The following DMRT1 variants were observed in gnomAD, a reference collection of about 807,000 sequenced individuals.
DMRT1 encodes the protein doublesex and mab-3 related transcription factor 1.
Under a neutral mutation model 32.3 loss-of-function variants are expected in DMRT1, and 7 were observed. That is an observed-to-expected ratio of 0.22 (90% CI 0.12 to 0.41). The LOEUF (loss-of-function observed/expected upper bound fraction) is 0.41, where lower values mean the gene tolerates loss of function less well. Among genes scored for constraint, DMRT1 ranks in the 10% least tolerant of loss-of-function variants. The pLI is 1.00. For synonymous variants in DMRT1, 278 were observed against 206.1 expected, an observed-to-expected ratio of 1.35 and a Z score of -2.99; for missense variants, 625 against 500.5, an observed-to-expected ratio of 1.25 and a Z score of -2.37.
At chr9:966,057 T>C (rs931293520) in intron 4 of DMRT1, among the ~76,000 whole-genome samples, 1 of 152,192 alleles carries the variant, frequency 6.6e-6, no homozygotes, top group African/African-American at 2.4e-5. Context: ...AAGCTCTTAG[T>C]CGGCTCTCCA....
chr9:936,558 C>T (rs1260473434), intron 4 of DMRT1, among the ~76,000 whole-genome samples: 1 of 152,068 alleles, frequency 6.6e-6, no homozygotes, highest in African/African-American at 2.4e-5. Flanking sequence ...TCGAGACCAG[C>T]CTGGCCAACA....
rs377710575 is a variant in DMRT1, at chr9:872,163, G to A, written c.539-21749G>A. On this transcript the variant is annotated intron_variant, in intron 2 of 4. Coordinates refer to ENST00000382276, the MANE Select transcript of DMRT1 (RefSeq NM_021951.3). Reference sequence around the variant, plus strand: ...TGCAACCTCTGCCTCCCAGGTTCAAGGGATTCTCCTGCCTGAGCCTCCCGA... The same window carrying A: ...TGCAACCTCTGCCTCCCAGGTTCAAAGGATTCTCCTGCCTGAGCCTCCCGA... Among the ~76,000 whole-genome samples, 5 of 151,204 alleles carry A rather than the reference G, an allele frequency of 3.3e-5. No individual in the cohort carries two copies. In the East Asian group the frequency reaches 7.7e-4, roughly 23 times the overall value.
intron 4 of DMRT1, among the ~76,000 whole-genome samples, chr9:962,227 G>A (rs528343883): frequency 1.3e-5 from 2 of 152,268 alleles, no homozygotes; most frequent in South Asian, 2.1e-4. Context: ...TCGTGTGCAC[G>A]CTTGCTCACC....
chr9:891,296 C>T (rs56178571), intron 2 of DMRT1, among the ~76,000 whole-genome samples: 1 of 151,346 alleles, frequency 6.6e-6, no homozygotes, highest in Non-Finnish European at 1.5e-5. Flanking sequence ...AAAAAAAATA[C>T]AAAAATCAGC....
intron 4 of DMRT1, among the ~76,000 whole-genome samples, chr9:928,200 C>T (rs897164424): frequency 5.3e-5 from 8 of 151,998 alleles, no homozygotes; most frequent in African/African-American, 1.5e-4. Flanking sequence ...CTAAAAGTGC[C>T]GATATTAAAA....
chr9:883,120 C>A (rs139284386), intron 2 of DMRT1, among the ~76,000 whole-genome samples: 29 of 151,994 alleles, frequency 1.9e-4, no homozygotes, highest in African/African-American at 6.7e-4. Context: ...ATACGCATAG[C>A]CTGCCATCTG....
At chr9:923,624 A>T (rs1818424921) in intron 4 of DMRT1, among the ~76,000 whole-genome samples, 1 of 152,166 alleles carries the variant, frequency 6.6e-6, no homozygotes, top group Non-Finnish European at 1.5e-5. Context: ...GTAGGGGAGA[A>T]CGATGCCTTT....
At chr9:919,822 G>A (rs1363560566) in intron 4 of DMRT1, among the ~76,000 whole-genome samples, 1 of 152,176 alleles carries the variant, frequency 6.6e-6, no homozygotes, top group Non-Finnish European at 1.5e-5. Context: ...GTGATGACGG[G>A]TGGTCGAATT....
rs1415530578 is a variant in DMRT1 at position 949,377 on chromosome 9, AC to A, written c.968-18604del. 9.2e-5 allele frequency among the ~76,000 whole-genome samples: 14 copies of A among 151,802 alleles called. No individual in the cohort carries two copies. The South Asian group carries it at 1.7e-3, about 18-fold the overall frequency. On this transcript the variant is annotated intron_variant, in intron 4 of 4. Transcript: ENST00000382276. ...AAGACCCTCTCTCGGGGAAAAAAAA[AC>A]CCCAAAAAACCCACAAAAAACTTTT...
In DMRT1 at chr9:954,938, C is replaced by G. The variant is rs530303663; in HGVS notation, c.968-13047C>G. ...TACAGGCATGAGCCACTCCGCCTGG[C>G]CGTTCGTTAGCTATTTAAAATACAG... On this transcript the variant is annotated intron_variant, in intron 4 of 4. Coordinates refer to ENST00000382276, the MANE Select transcript of DMRT1 (RefSeq NM_021951.3). 1.8e-3 allele frequency among the ~76,000 whole-genome samples: 275 copies of G among 152,290 alleles called. 1 individual carries two copies. The highest frequency in any genetic ancestry group is 5.6e-3 in the African/African-American group (232 of 41,552).
chr9:859,684 G>A (rs1011837504), intron 2 of DMRT1, among the ~76,000 whole-genome samples: 1 of 152,126 alleles, frequency 6.6e-6, no homozygotes, highest in East Asian at 1.9e-4. Context: ...TCTCTAAAAC[G>A]TCTGCAGGCA....
intron 2 of DMRT1, among the ~76,000 whole-genome samples, chr9:870,210 T>C (rs143072203): frequency 0.012 from 1,860 of 152,156 alleles, 31 homozygotes; most frequent in African/African-American, 0.039. Flanking sequence ...CCAGCCTGGG[T>C]AACACGGTGA....
chr9:909,171 C>T (rs989169274), intron 3 of DMRT1, among the ~76,000 whole-genome samples: 1 of 152,204 alleles, frequency 6.6e-6, no homozygotes, highest in Middle Eastern at 3.4e-3. Flanking sequence ...ATCTTCAGAG[C>T]TCTGGACACA....
At chr9:913,462 C>A (rs1277183853) in intron 3 of DMRT1, among the ~76,000 whole-genome samples, 1 of 151,838 alleles carries the variant, frequency 6.6e-6, no homozygotes, top group East Asian at 1.9e-4. Context: ...TGGCAACAGA[C>A]CCCTGAAAAA....
intron 4 of DMRT1, among the ~76,000 whole-genome samples, chr9:919,909 A>G (rs752687269): frequency 6.6e-6 from 1 of 152,194 alleles, no homozygotes; most frequent in Admixed American, 6.5e-5. Flanking sequence ...GGAGTGAAGG[A>G]TGACTCCTTA....
At chr9:923,055 G>C (rs1459546447) in intron 4 of DMRT1, among the ~76,000 whole-genome samples, 1 of 152,196 alleles carries the variant, frequency 6.6e-6, no homozygotes, top group African/African-American at 2.4e-5. Context: ...AGCAGTGCCT[G>C]ATTTCACTGA....
intron 2 of DMRT1, among the ~76,000 whole-genome samples, chr9:875,233 G>T (rs1041781782): frequency 8.5e-5 from 13 of 152,068 alleles, no homozygotes; most frequent in African/African-American, 3.1e-4. Context: ...AACCAGTATT[G>T]TTTCCGTGGT....
intron 4 of DMRT1, among the ~76,000 whole-genome samples, chr9:963,488 T>G (rs937154863): frequency 1.3e-5 from 2 of 152,200 alleles, no homozygotes; most frequent in Non-Finnish European, 2.9e-5. Context: ...AGCTTGTGGT[T>G]TCTAATTACA....
chr9:935,631 T>C (rs1351562926), intron 4 of DMRT1, among the ~76,000 whole-genome samples: 2 of 152,244 alleles, frequency 1.3e-5, no homozygotes, highest in East Asian at 3.8e-4. Context: ...TGTGAGAGTT[T>C]ATGCTGCAAA....
Sources: gnomAD v4.1 joint callset for allele counts (sites outside exome capture counted in the v4.1 genomes callset) on GRCh38, gnomAD v4.1.1 for gene constraint, MANE v1.5 for transcripts, NCBI Gene and HGNC (gene_info 2026-07-23, HGNC 2026-07-21) for gene names.